The following ADCY8 variants were observed in gnomAD, a reference collection of about 807,000 sequenced individuals.
ADCY8 encodes the protein adenylate cyclase type 8.
In ADCY8, 51 loss-of-function variants were observed where a neutral mutation model predicts 119.7. The ratio of observed to expected loss-of-function variants is 0.43; its 90% CI spans 0.34 to 0.54. The LOEUF (loss-of-function observed/expected upper bound fraction) is 0.54, where lower values mean the gene tolerates loss of function less well. Ranked by LOEUF, ADCY8 falls within the 20% of genes least tolerant of loss-of-function variation. ADCY8 has a pLI of 0.03. For synonymous variants in ADCY8, 665 were observed against 651.0 expected (o/e 1.02, Z -0.33); for missense variants, 1,383 against 1,598.8 (o/e 0.87, Z 2.30).
chr8:130,961,805 G>A (rs981157858), intron 2 of ADCY8, among the ~76,000 whole-genome samples: 1 of 152,024 alleles, frequency 6.6e-6, no homozygotes, highest in Non-Finnish European at 1.5e-5. Flanking sequence ...AGAAGGCAGC[G>A]GCTGTATCCA....
At chr8:130,889,611 G>T (rs1819112835) in intron 7 of ADCY8, among the ~76,000 whole-genome samples, 1 of 152,140 alleles carries the variant, frequency 6.6e-6, no homozygotes, top group African/African-American at 2.4e-5. Flanking sequence ...CTCCCTTCAT[G>T]TGGCTGCTTT....
At chr8:130,897,354 C>A (rs1212841471) in intron 7 of ADCY8, among the ~76,000 whole-genome samples, 1 of 152,068 alleles carries the variant, frequency 6.6e-6, no homozygotes, top group East Asian at 1.9e-4. Context: ...ATTCTTTGAC[C>A]ATGTTCACCA....
At chr8:130,810,289 C>T (rs1816120614) in intron 14 of ADCY8, among the ~76,000 whole-genome samples, 1 of 151,928 alleles carries the variant, frequency 6.6e-6, no homozygotes, top group Non-Finnish European at 1.5e-5. Flanking sequence ...CACTACAGTC[C>T]TGCCCCTTCC....
intron 3 of ADCY8, among the ~76,000 whole-genome samples, chr8:130,945,732 T>C (rs528560157): frequency 6.6e-6 from 1 of 152,380 alleles, no homozygotes; most frequent in East Asian, 1.9e-4. Flanking sequence ...CATTTGATTA[T>C]GTATTACTTG....
intron 9 of ADCY8, among the ~76,000 whole-genome samples, chr8:130,853,158 A>G (rs1248804107): frequency 6.6e-6 from 1 of 152,208 alleles, no homozygotes; most frequent in African/African-American, 2.4e-5. Context: ...GTATATATGC[A>G]CAGTTCAGAC....
At chr8:130,907,650 T>C (rs1380196886) in intron 6 of ADCY8, among the ~76,000 whole-genome samples, 1 of 152,230 alleles carries the variant, frequency 6.6e-6, no homozygotes, top group Non-Finnish European at 1.5e-5. Context: ...TTCAGACTCA[T>C]GACTCATGAT....
At chr8:131,036,793 A>G (rs927762067) in intron 1 of ADCY8, among the ~76,000 whole-genome samples, 1 of 152,204 alleles carries the variant, frequency 6.6e-6, no homozygotes, top group Non-Finnish European at 1.5e-5. Context: ...GAATATGGCA[A>G]AAATGAATAG....
At chr8:130,812,145 G>A (rs1439402939) in intron 14 of ADCY8, among the ~76,000 whole-genome samples, 1 of 152,110 alleles carries the variant, frequency 6.6e-6, no homozygotes, top group Admixed American at 6.5e-5. Context: ...CCCTTTTAGA[G>A]TCTCCTGCCT....
At chr8:130,795,185 C>T (rs1264014418) in intron 15 of ADCY8, among the ~76,000 whole-genome samples, 4 of 152,226 alleles carry the variant, frequency 2.6e-5, no homozygotes, top group South Asian at 2.1e-4. Context: ...CTGCCTCCGT[C>T]GATCATCTGT....
chr8:130,969,434 C>A (rs974632648), intron 2 of ADCY8, among the ~76,000 whole-genome samples: 10 of 152,128 alleles, frequency 6.6e-5, no homozygotes, highest in African/African-American at 2.4e-4. Context: ...TCTACACATT[C>A]TCTTGGCTCT....
At chr8:130,938,789 C>A (rs1820868610) in intron 4 of ADCY8, among the ~76,000 whole-genome samples, 1 of 152,210 alleles carries the variant, frequency 6.6e-6, no homozygotes, top group African/African-American at 2.4e-5. Flanking sequence ...GGCCCAGATG[C>A]AATCTTCAGA....
intron 16 of ADCY8, 89 bp from the exon 17 acceptor site, chr8:130,783,894 C>T: frequency 1.1e-6 from 1 of 938,702 alleles, no homozygotes; most frequent in African/African-American, 1.6e-5. Context: ...CGTCCTAACC[C>T]AACCCTACCT....
chr8:131,024,503 G>C (rs890928818), intron 1 of ADCY8, among the ~76,000 whole-genome samples: 8 of 152,174 alleles, frequency 5.3e-5, no homozygotes, highest in African/African-American at 1.9e-4. Flanking sequence ...CGGGCTCCAG[G>C]TTGTGACTAT....
chr8:130,921,154 T>TA (rs1399284263), intron 5 of ADCY8, among the ~76,000 whole-genome samples: 3 of 152,212 alleles, frequency 2.0e-5, no homozygotes, highest in Admixed American at 6.5e-5. Flanking sequence ...TCCCAAATAT[T>TA]AAAAAATATA....
chr8:131,025,709 G>A (rs1212157810), intron 1 of ADCY8, among the ~76,000 whole-genome samples: 3 of 152,196 alleles, frequency 2.0e-5, no homozygotes, highest in African/African-American at 7.2e-5. Flanking sequence ...ATAGAAATGA[G>A]TGCAAGCTGA....
chr8:130,979,617 T>C (rs1822178679), intron 2 of ADCY8, among the ~76,000 whole-genome samples: 1 of 152,212 alleles, frequency 6.6e-6, no homozygotes, highest in African/African-American at 2.4e-5. Flanking sequence ...ATATGGGCTC[T>C]GGAGAAGACT....
chr8:131,013,396 T>A (rs183992608), intron 1 of ADCY8, among the ~76,000 whole-genome samples: 1 of 152,256 alleles, frequency 6.6e-6, no homozygotes, highest in East Asian at 1.9e-4. Flanking sequence ...AAGAGGTCAC[T>A]TTATGACCAA....
At chr8:131,025,517 T>C (rs1351075612) in intron 1 of ADCY8, among the ~76,000 whole-genome samples, 1 of 152,240 alleles carries the variant, frequency 6.6e-6, no homozygotes, top group Non-Finnish European at 1.5e-5. Context: ...TCCCGCGTGA[T>C]GTGCCAGTGT....
chr8:130,827,441 C>T (rs1448530028), intron 12 of ADCY8, among the ~76,000 whole-genome samples: 1 of 152,306 alleles, frequency 6.6e-6, no homozygotes, highest in East Asian at 1.9e-4. Context: ...TTTCCCCATG[C>T]TCTATGTAAA....
Sources: gnomAD v4.1 joint callset for allele counts (sites outside exome capture counted in the v4.1 genomes callset) on GRCh38, gnomAD v4.1.1 for gene constraint, MANE v1.5 for transcripts, NCBI Gene and HGNC (gene_info 2026-07-23, HGNC 2026-07-21) for gene names.